Variants in SLC22A23 observed in about 807,000 individuals in gnomAD.
SLC22A23 encodes the protein ion transporter protein.
A neutral mutation model predicts 61.0 loss-of-function variants in SLC22A23; 26 were observed. That is an observed-to-expected ratio of 0.43 (90% CI 0.31 to 0.59). The LOEUF is 0.59. Ranked by LOEUF, SLC22A23 falls within the 20% of genes least tolerant of loss-of-function variation. The pLI is 0.11. For synonymous variants in SLC22A23, 430 were observed against 413.9 expected (o/e 1.04, Z -0.47); for missense variants, 796 against 934.7 (o/e 0.85, Z 1.94).
Position 3,325,000 on chromosome 6 carries a change from C to T in SLC22A23, c.914-998G>A, listed in dbSNP as rs1763193465. 1.3e-5 allele frequency among the ~76,000 whole-genome samples: 2 copies of T among 152,114 alleles called. No individual in the cohort carries two copies. The highest frequency in any genetic ancestry group is 6.5e-5 in the Admixed American group (1 of 15,268). ...GCTGGGTTTTATATATATTATTTTC[C>T]CTACAGAGCATGTACATTTATTTGT... On this transcript the variant is annotated intron_variant, in intron 3 of 9. Transcript: ENST00000406686. The surrounding 1 kb of genome is among the most constrained non-coding windows in gnomAD (Gnocchi z 4.3).
intron 3 of SLC22A23, among the ~76,000 whole-genome samples, chr6:3,378,401 T>C (rs969789328): frequency 6.6e-6 from 1 of 152,178 alleles, no homozygotes. Flanking sequence ...CTTGAGGGTA[T>C]TTTTAAAACT....
At position 3,279,106 on chromosome 6, in the gene SLC22A23, CTATG is replaced by C. The variant is rs560024418; in HGVS notation, c.1703+4742_1703+4745del. Reference sequence around the variant, plus strand: ...AATTTGCAGATCATTAGAAAAATGTCTATGTATATGTATATACATAATATGCAAC... The same window carrying C: ...AATTTGCAGATCATTAGAAAAATGTCTATATGTATATACATAATATGCAAC... On this transcript the variant is annotated intron_variant, in intron 9 of 9. Coordinates refer to ENST00000406686, the MANE Select transcript of SLC22A23 (RefSeq NM_015482.2). Among the ~76,000 whole-genome samples, 406 of 152,250 alleles carry C rather than the reference CTATG, an allele frequency of 2.7e-3. 1 individual carries two copies. The highest frequency in any genetic ancestry group is 4.4e-3 in the Non-Finnish European group (296 of 68,012).
At chr6:3,344,594 G>A (rs1764319107) in intron 3 of SLC22A23, among the ~76,000 whole-genome samples, 1 of 152,170 alleles carries the variant, frequency 6.6e-6, no homozygotes, top group African/African-American at 2.4e-5. Context: ...ATAATGTTTG[G>A]GATTTCATTG....
intron 1 of SLC22A23, among the ~76,000 whole-genome samples, chr6:3,420,842 C>T (rs991967163): frequency 6.6e-6 from 1 of 152,112 alleles, no homozygotes; most frequent in South Asian, 2.1e-4. Context: ...CAGTGGCCCA[C>T]GCATATAATC....
intron 4 of SLC22A23, chr6:3,313,508 G>A (rs1311571639): frequency 1.3e-5 from 2 of 152,190 alleles, no homozygotes; most frequent in Admixed American, 1.3e-4. Flanking sequence ...TTTCCCGCAT[G>A]CTTAATTGTT....
intron 3 of SLC22A23, among the ~76,000 whole-genome samples, chr6:3,350,206 C>T (rs774091243): frequency 2.6e-5 from 4 of 152,274 alleles, no homozygotes; most frequent in East Asian, 1.9e-4. Context: ...AGGACCCACC[C>T]GATGGATTCT....
intron 9 of SLC22A23, among the ~76,000 whole-genome samples, chr6:3,275,824 C>T (rs1230653084): frequency 1.3e-5 from 2 of 152,226 alleles, no homozygotes; most frequent in Admixed American, 6.5e-5. Flanking sequence ...CCTCGTGATC[C>T]ACCCGCCTTG....
intron 2 of SLC22A23, among the ~76,000 whole-genome samples, chr6:3,413,288 G>A (rs1769401953): frequency 6.6e-6 from 1 of 152,204 alleles, no homozygotes. Context: ...GACAGGAGGT[G>A]GCTGGCCCCT....
At chr6:3,357,866 A>T (rs1765210048) in intron 3 of SLC22A23, among the ~76,000 whole-genome samples, 2 of 152,182 alleles carry the variant, frequency 1.3e-5, no homozygotes, top group South Asian at 4.1e-4. Context: ...GTGCTACAGG[A>T]ATGCAAAGAA....
At chr6:3,391,046 A>G (rs1242070427) in intron 3 of SLC22A23, among the ~76,000 whole-genome samples, 5 of 152,218 alleles carry the variant, frequency 3.3e-5, no homozygotes, top group African/African-American at 4.8e-5. Context: ...AAGATACAAG[A>G]TCAGCCCTGT....
chr6:3,277,950 T>TA (rs1392965847), intron 9 of SLC22A23, among the ~76,000 whole-genome samples: 1 of 152,236 alleles, frequency 6.6e-6, no homozygotes, highest in Admixed American at 6.5e-5. Context: ...CTGTGGTCCC[T>TA]ATGGCCAACG....
At chr6:3,340,628 T>C (rs553431745) in intron 3 of SLC22A23, among the ~76,000 whole-genome samples, 2 of 152,252 alleles carry the variant, frequency 1.3e-5, no homozygotes, top group East Asian at 3.9e-4. Context: ...CCAAAAACGA[T>C]TTTCAAGGTC....
At chr6:3,345,179 C>G (rs1764352625) in intron 3 of SLC22A23, among the ~76,000 whole-genome samples, 1 of 151,598 alleles carries the variant, frequency 6.6e-6, no homozygotes, top group Admixed American at 6.5e-5. Context: ...GCATCAGCAT[C>G]TAGGGAATTA....
At chr6:3,338,183 G>A (rs1178591957) in intron 3 of SLC22A23, among the ~76,000 whole-genome samples, 8 of 152,212 alleles carry the variant, frequency 5.3e-5, no homozygotes, top group Admixed American at 4.6e-4. Flanking sequence ...CTCAAATCAT[G>A]TATTGCTTTC....
At chr6:3,401,503 C>T (rs1768390113) in intron 3 of SLC22A23, among the ~76,000 whole-genome samples, 1 of 152,154 alleles carries the variant, frequency 6.6e-6, no homozygotes. Flanking sequence ...TAAATTAAAA[C>T]CTATGCTCGA....
intron 5 of SLC22A23, chr6:3,291,937 C>T (rs1236808058): frequency 6.6e-6 from 1 of 152,216 alleles, no homozygotes; most frequent in Non-Finnish European, 1.5e-5. Flanking sequence ...ATAACAACTG[C>T]ATTATGACCT....
chr6:3,273,223 A>G lies in SLC22A23; in HGVS notation c.1893T>C (p.Ser631=), dbSNP rs9503518. 127,371 of 1,612,826 alleles carry G rather than the reference A, an allele frequency of 0.079. 5,647 individuals are homozygous for G. Among genetic ancestry groups the G allele is most frequent in the Middle Eastern group, 0.14 (833 of 6,060 alleles). Residue 631 remains serine (S), a synonymous_variant, in exon 10 of 10, where the codon TCT becomes TCC. Coordinates refer to ENST00000406686, the MANE Select transcript of SLC22A23 (RefSeq NM_015482.2). ...SRDQNLPENI[S]NGEHYTRQPL... ...GCTGGCGCGTGTAGTGCTCCCCGTT[A>G]GAAATGTTCTCAGGCAGGTTCTGGT...
chr6:3,280,449 A>C (rs1759340264), intron 9 of SLC22A23, among the ~76,000 whole-genome samples: 2 of 143,356 alleles, frequency 1.4e-5, no homozygotes, highest in Non-Finnish European at 3.0e-5. Flanking sequence ...CCTGTCTGCT[A>C]CTCAGTACTT....
intron 9 of SLC22A23, among the ~76,000 whole-genome samples, chr6:3,274,276 C>G (rs1004760515): frequency 2.0e-5 from 3 of 152,198 alleles, no homozygotes; most frequent in African/African-American, 7.2e-5. Context: ...AGTGCTGTAC[C>G]AGGCTGCAGT....
Sources: allele counts gnomAD v4.1 joint callset (sites outside exome capture counted in the v4.1 genomes callset), GRCh38; gene constraint gnomAD v4.1.1; non-coding constraint Gnocchi (gnomAD v3.1); transcripts MANE v1.5; gene names NCBI Gene and HGNC (gene_info 2026-07-23, HGNC 2026-07-21).